Variants in PCDHA6 observed in about 807,000 individuals in gnomAD.
PCDHA6 encodes the protein protocadherin alpha-6.
In PCDHA6, 55 loss-of-function variants were observed where a neutral mutation model predicts 60.3. The observed-to-expected ratio is 0.91, with a 90% CI of 0.73 to 1.14. The LOEUF (loss-of-function observed/expected upper bound fraction) is 1.14, where lower values mean the gene tolerates loss of function less well. Ranked by LOEUF, PCDHA6 falls within the 50% of genes most tolerant of loss-of-function variation. PCDHA6 has a pLI of 0.00. For synonymous variants in PCDHA6, 652 were observed against 557.9 expected (o/e 1.17, Z -2.38); for missense variants, 1,327 against 1,256.5 (o/e 1.06, Z -0.85).
rs1320219732 is a variant in PCDHA6, at chr5:140,966,886, G to A, written c.2395-12063G>A. On this transcript the variant is annotated intron_variant, in intron 1 of 3. Coordinates refer to ENST00000529310, the MANE Select transcript of PCDHA6 (RefSeq NM_018909.4). Reference sequence around the variant, plus strand: ...TGCTGCTGCTGCTACCTGGCCCTGCGGCCTCCCAGCTGCGATACTCTGTGC... The same window carrying A: ...TGCTGCTGCTGCTACCTGGCCCTGCAGCCTCCCAGCTGCGATACTCTGTGC... The A allele has an allele frequency of 5.7e-6, 9 of 1,592,130 alleles. No individual in the cohort carries two copies. The Admixed American group carries it at 1.0e-4, about 18-fold the overall frequency.
rs199811254 is a variant in PCDHA6 at position 140,877,222 on chromosome 5, T to C, written c.2394+46737T>C. 9.3e-5 allele frequency: 150 copies of C among 1,613,562 alleles called. No homozygotes were observed. Among genetic ancestry groups the C allele is most frequent in the Admixed American group, 2.2e-4 (13 of 59,972 alleles). Reference sequence around the variant, plus strand: ...CGCAGTTAGCGAGTTGGTACCGCGGTCGGTGGGTGCGGGCCACGTGGTGGC... The same window carrying C: ...CGCAGTTAGCGAGTTGGTACCGCGGCCGGTGGGTGCGGGCCACGTGGTGGC... On this transcript the variant is annotated intron_variant, in intron 1 of 3. Transcript: ENST00000529310.
intron 1 of PCDHA6, chr5:140,843,480 C>T (rs2150360983): frequency 2.5e-6 from 4 of 1,596,022 alleles, no homozygotes; most frequent in East Asian, 2.2e-5. Context: ...CTGTACACTG[C>T]GCTGCGGTGC....
At chr5:140,945,024 A>G (rs1554216669) in intron 1 of PCDHA6, among the ~76,000 whole-genome samples, 1 of 152,122 alleles carries the variant, frequency 6.6e-6, no homozygotes, top group Non-Finnish European at 1.5e-5. Flanking sequence ...TTTTACTCAG[A>G]CATAATTATC....
chr5:140,944,182 G>GTTTGT (rs750577669), intron 1 of PCDHA6, among the ~76,000 whole-genome samples: 5 of 152,052 alleles, frequency 3.3e-5, no homozygotes, highest in East Asian at 1.9e-4. Flanking sequence ...TTTTTTGTTG[G>GTTTGT]TTTGTTTTGT....
intron 1 of PCDHA6, among the ~76,000 whole-genome samples, chr5:140,953,598 T>C (rs1189793307): frequency 2.6e-5 from 4 of 152,188 alleles, no homozygotes; most frequent in South Asian, 2.1e-4. Context: ...CTTTTGTTTA[T>C]TCCCCAGAGT....
intron 1 of PCDHA6, chr5:140,834,180 C>T: frequency 1.8e-6 from 1 of 562,966 alleles, no homozygotes; most frequent in East Asian, 2.8e-5. Context: ...ATGATGGCCA[C>T]ATGATGTCGC....
At chr5:140,975,917 A>C (rs1287006605) in intron 1 of PCDHA6, among the ~76,000 whole-genome samples, 1 of 152,220 alleles carries the variant, frequency 6.6e-6, no homozygotes, top group Non-Finnish European at 1.5e-5. Context: ...TATTCTACCA[A>C]AAGACTAACC....
At chr5:140,836,418 T>C in intron 1 of PCDHA6, 3 of 1,613,726 alleles carry the variant, frequency 1.9e-6, no homozygotes. Context: ...ACCAAAGGCG[T>C]CGTCGCGGGC....
chr5:140,923,498 C>T (rs1233893951), intron 1 of PCDHA6, among the ~76,000 whole-genome samples: 2 of 152,018 alleles, frequency 1.3e-5, no homozygotes, highest in African/African-American at 4.8e-5. Context: ...CACTGCACTC[C>T]AGCCTGGATG....
chr5:140,834,588 A>G (rs2150222080), intron 1 of PCDHA6: 1 of 1,614,122 alleles, frequency 6.2e-7, no homozygotes, highest in Non-Finnish European at 8.5e-7. Flanking sequence ...GGCGGTGTGC[A>G]AATTCCGTGG....
At chr5:140,910,925 TA>T (rs2075234137) in intron 1 of PCDHA6, among the ~76,000 whole-genome samples, 2 of 152,226 alleles carry the variant, frequency 1.3e-5, no homozygotes, top group South Asian at 4.2e-4. Flanking sequence ...CTTATATAAA[TA>T]AGAAAGCTCA....
chr5:140,946,631 T>TATATATATATATATATATAC lies in PCDHA6; in HGVS notation c.2395-32317_2395-32316insTATATATATATATATATACA, dbSNP rs57893927. ...TGTGAAATATATATATATATATATA[T>TATATATATATATATATATAC]ACAATGGAATACTCATCAGCCATTA... On this transcript the variant is annotated intron_variant, in intron 1 of 3. Transcript: ENST00000529310. Among the ~76,000 whole-genome samples, 543 of 131,742 alleles carry TATATATATATATATATATAC rather than the reference T, an allele frequency of 4.1e-3. 35 individuals are homozygous for TATATATATATATATATATAC. Among genetic ancestry groups the TATATATATATATATATATAC allele is most frequent in the African/African-American group, 0.018 (501 of 28,614 alleles). The allele number at this position is 131,742 out of a possible 152,430, so 86.4% of individuals were successfully genotyped here.
At chr5:140,995,082 C>G (rs145784301) in intron 3 of PCDHA6, among the ~76,000 whole-genome samples, 5 of 152,334 alleles carry the variant, frequency 3.3e-5, no homozygotes, top group Admixed American at 3.3e-4. Context: ...GCAATCCAAA[C>G]TTATCTGTGG....
In PCDHA6 at chr5:140,830,253, T is replaced by G; in HGVS notation, c.2162T>G (p.Leu721Arg). Residue 721 changes from leucine to arginine, a missense_variant, in exon 1 of 4, where the codon CTG becomes CGG. Leu to Arg is a moderately radical substitution (Grantham distance 102). Coordinates refer to ENST00000529310, the MANE Select transcript of PCDHA6 (RefSeq NM_018909.4). Reference sequence around the variant, plus strand: ...CTCACGCTACTGCTGTACACAGCGCTGCGGTGCTCGGCGCCACCCACCGAG... The same window carrying G: ...CTCACGCTACTGCTGTACACAGCGCGGCGGTGCTCGGCGCCACCCACCGAG... ...LVLTLLLYTA[L>R]RCSAPPTEGA... The G allele has an allele frequency of 6.2e-7, 1 of 1,613,696 alleles. No homozygotes were observed. The highest frequency in any genetic ancestry group is 8.5e-7 in the Non-Finnish European group (1 of 1,179,692).
At chr5:140,937,316 C>T (rs1355509287) in intron 1 of PCDHA6, among the ~76,000 whole-genome samples, 7 of 152,044 alleles carry the variant, frequency 4.6e-5, no homozygotes, top group Admixed American at 3.9e-4. Context: ...GGATTACAGG[C>T]GTGAGCCACC....
Position 140,829,918 on chromosome 5 carries a change from T to C in PCDHA6, c.1827T>C (p.Tyr609=), listed in dbSNP as rs1770676846. The part of the protein sequence containing the change: ...ADSGYNAWLS[Y]ELQPPASSAR... Reference sequence around the variant, plus strand: ...CAGGCTACAACGCGTGGCTTTCGTATGAGCTGCAGCCCCCGGCAAGCAGCG... The same window carrying C: ...CAGGCTACAACGCGTGGCTTTCGTACGAGCTGCAGCCCCCGGCAAGCAGCG... Residue 609 remains tyrosine (Y), a synonymous_variant, in exon 1 of 4, where the codon TAT becomes TAC. Transcript: ENST00000529310. The C allele has an allele frequency of 1.2e-6, 2 of 1,613,992 alleles. No homozygotes were observed. Among genetic ancestry groups the C allele is most frequent in the East Asian group, 4.5e-5 (2 of 44,880 alleles).
At chr5:141,000,393 CTCTATATATA>C (rs1279908183) in intron 3 of PCDHA6, among the ~76,000 whole-genome samples, 25 of 52,852 alleles carry the variant, frequency 4.7e-4, no homozygotes, top group South Asian at 8.2e-4. Flanking sequence ...CTCTCTCTCT[CTCTATATATA>C]TATATATATA....
chr5:141,008,766 A>G (rs2098390228), intron 3 of PCDHA6, among the ~76,000 whole-genome samples: 1 of 152,246 alleles, frequency 6.6e-6, no homozygotes, highest in Non-Finnish European at 1.5e-5. Context: ...TTTGGCTTGG[A>G]AAGTAAAATT....
At chr5:140,831,867 T>C (rs1273262547) in intron 1 of PCDHA6, among the ~76,000 whole-genome samples, 1 of 152,226 alleles carries the variant, frequency 6.6e-6, no homozygotes, top group Non-Finnish European at 1.5e-5. Flanking sequence ...AGTAAGTTGA[T>C]ATTGTAAGGC....
Sources: gnomAD v4.1 joint callset for allele counts (sites outside exome capture counted in the v4.1 genomes callset) on GRCh38, gnomAD v4.1.1 for gene constraint, MANE v1.5 for transcripts, NCBI Gene and HGNC (gene_info 2026-07-23, HGNC 2026-07-21) for gene names.